The following TCF7L1 variants were observed in gnomAD, a reference collection of about 807,000 sequenced individuals.
TCF7L1 encodes transcription factor 7-like 1.
TCF7L1 carries 18 observed loss-of-function variants against 63.7 expected under a neutral mutation model. That is an observed-to-expected ratio of 0.28 (90% confidence interval 0.20 to 0.42). TCF7L1 has a LOEUF of 0.42. Ranked by LOEUF, TCF7L1 falls within the 10% of genes least tolerant of loss-of-function variation. TCF7L1 has a pLI of 1.00. For missense variants in TCF7L1, 654 were observed against 779.3 expected, an observed-to-expected ratio of 0.84 and a Z score of 1.91; for synonymous variants, 355 against 340.9, an observed-to-expected ratio of 1.04 and a Z score of -0.46.
intron 3 of TCF7L1, among the ~76,000 whole-genome samples, chr2:85,196,199 G>A (rs1203110657): frequency 6.6e-6 from 1 of 152,244 alleles, no homozygotes; most frequent in Non-Finnish European, 1.5e-5. Context: ...TCAGATGCCA[G>A]GGGCAAGTGT....
In TCF7L1 at chr2:85,134,283, CG is replaced by C; in HGVS notation, c.314-35del. 1.9e-6 allele frequency: 3 copies of C among 1,547,982 alleles called. No homozygotes were observed. The highest frequency in any genetic ancestry group is 2.4e-5 in the East Asian group (1 of 41,474). On this transcript the variant is annotated intron_variant, in intron 2 of 11. Coordinates refer to ENST00000282111, the MANE Select transcript of TCF7L1 (RefSeq NM_031283.3). The surrounding 1 kb of genome is among the most constrained non-coding windows in gnomAD (Gnocchi z 5.0). ...CCCCCTGCCGCGGCGCTGTCAGTCC[CG>C]GGGGCCTGGGCCTCACCTCGCCTTG...
intron 3 of TCF7L1, among the ~76,000 whole-genome samples, chr2:85,173,313 G>T (rs887445729): frequency 6.6e-6 from 1 of 151,980 alleles, no homozygotes; most frequent in African/African-American, 2.4e-5. Context: ...AGGAGCAGGG[G>T]AGTGGGTACG....
chr2:85,218,236 T>TTTTATTTATTTATTTATTTA (rs139892042), intron 3 of TCF7L1, among the ~76,000 whole-genome samples: 64 of 149,340 alleles, frequency 4.3e-4, no homozygotes, highest in African/African-American at 1.4e-3. Context: ...ACTTTACTTA[T>TTTTATTTATTTATTTATTTA]TTTATTTATT....
At chr2:85,291,658 G>T (rs1453999508) in intron 4 of TCF7L1, among the ~76,000 whole-genome samples, 3 of 152,166 alleles carry the variant, frequency 2.0e-5, no homozygotes, top group African/African-American at 7.2e-5. Flanking sequence ...TCAGCTCACT[G>T]CAACCTCCAC....
At chr2:85,177,171 A>G (rs1366197625) in intron 3 of TCF7L1, among the ~76,000 whole-genome samples, 1 of 151,938 alleles carries the variant, frequency 6.6e-6, no homozygotes, top group East Asian at 1.9e-4. Flanking sequence ...TTCCTCATAC[A>G]GTGGAAAGAG....
intron 3 of TCF7L1, among the ~76,000 whole-genome samples, chr2:85,255,908 C>CTT (rs1014614135): frequency 6.6e-6 from 1 of 152,170 alleles, no homozygotes; most frequent in African/African-American, 2.4e-5. Flanking sequence ...GTGTCTGTAG[C>CTT]TTTTGTCTGA....
At chr2:85,293,330 AG>A (rs1307861404) in intron 4 of TCF7L1, among the ~76,000 whole-genome samples, 1 of 152,078 alleles carries the variant, frequency 6.6e-6, no homozygotes, top group African/African-American at 2.4e-5. Flanking sequence ...ATGGCGAGCA[AG>A]TTTTTATAAG....
chr2:85,305,137 C>T, intron 7 of TCF7L1, 123 bp from the exon 8 acceptor site: 1 of 1,340,548 alleles, frequency 7.5e-7, no homozygotes, highest in Admixed American at 1.7e-5. Flanking sequence ...GCCTTCTAGT[C>T]CTGAGACTCT....
intron 4 of TCF7L1, among the ~76,000 whole-genome samples, chr2:85,292,477 C>T (rs916594663): frequency 3.3e-5 from 5 of 152,182 alleles, no homozygotes; most frequent in Admixed American, 2.0e-4. Flanking sequence ...GCTATAAAAA[C>T]AATCCCACAT....
At chr2:85,230,727 C>G (rs1680057676) in intron 3 of TCF7L1, among the ~76,000 whole-genome samples, 1 of 152,206 alleles carries the variant, frequency 6.6e-6, no homozygotes, top group African/African-American at 2.4e-5. Context: ...GTGCCCATTT[C>G]TCCTGCATCC....
chr2:85,283,269 C>CCG (rs1219562348), intron 3 of TCF7L1, among the ~76,000 whole-genome samples: 4 of 115,972 alleles, frequency 3.4e-5, no homozygotes, highest in African/African-American at 2.7e-5. Flanking sequence ...TTCGTGTCCC[C>CCG]CCCCCCAAAA....
chr2:85,134,873 G>C lies in TCF7L1; in HGVS notation c.441+423G>C, dbSNP rs1213874664. Among the ~76,000 whole-genome samples the C allele has an allele frequency of 6.6e-6, 1 of 152,172 alleles. No homozygotes were observed. The highest frequency in any genetic ancestry group is 1.9e-4 in the East Asian group (1 of 5,154). On this transcript the variant is annotated intron_variant, in intron 3 of 11. Transcript: ENST00000282111. The surrounding 1 kb of genome is among the most constrained non-coding windows in gnomAD (Gnocchi z 5.0). ...CCGACTCCGGGTTCACTGGGCGGCT[G>C]CAGGCTGGTTCCTAAGAAACCCAGT...
At chr2:85,251,767 C>T (rs559501757) in intron 3 of TCF7L1, among the ~76,000 whole-genome samples, 8 of 152,258 alleles carry the variant, frequency 5.3e-5, no homozygotes, top group South Asian at 2.1e-4. Context: ...ATTCAAATTC[C>T]GATTGCAATT....
chr2:85,164,270 G>C (rs1050854144), intron 3 of TCF7L1, among the ~76,000 whole-genome samples: 2 of 152,168 alleles, frequency 1.3e-5, no homozygotes, highest in Non-Finnish European at 2.9e-5. Flanking sequence ...TTTGCATTCA[G>C]GCTCCTCCAG....
At chr2:85,232,716 T>C (rs1285817799) in intron 3 of TCF7L1, among the ~76,000 whole-genome samples, 5 of 152,190 alleles carry the variant, frequency 3.3e-5, no homozygotes. Context: ...TCAAAAAATA[T>C]AAATGTTGAT....
chr2:85,190,545 T>C (rs965009441), intron 3 of TCF7L1, among the ~76,000 whole-genome samples: 1 of 152,164 alleles, frequency 6.6e-6, no homozygotes, highest in Non-Finnish European at 1.5e-5. Context: ...ACTTACCATA[T>C]GGCAGCCAAC....
In TCF7L1 at chr2:85,171,743, C is replaced by T. The variant is rs1031578503; in HGVS notation, c.441+37293C>T. Among the ~76,000 whole-genome samples the T allele has an allele frequency of 2.3e-4, 35 of 152,194 alleles. 1 individual carries two copies. The highest frequency in any genetic ancestry group is 9.7e-5 in the African/African-American group (4 of 41,432). ...ACCATCTCCTGCCTGCTAGCTTTGC[C>T]GCCTTGGCCAAATAATTTGGACTCT... On this transcript the variant is annotated intron_variant, in intron 3 of 11. Coordinates refer to ENST00000282111, the MANE Select transcript of TCF7L1 (RefSeq NM_031283.3).
chr2:85,200,038 T>A (rs1349107280), intron 3 of TCF7L1, among the ~76,000 whole-genome samples: 1 of 152,264 alleles, frequency 6.6e-6, no homozygotes, highest in Non-Finnish European at 1.5e-5. Context: ...TCACTTAGTC[T>A]AATGCTTTCA....
intron 11 of TCF7L1, among the ~76,000 whole-genome samples, chr2:85,308,052 G>A (rs73943092): frequency 6.6e-6 from 1 of 152,170 alleles, no homozygotes; most frequent in Non-Finnish European, 1.5e-5. Context: ...TAGGAAGGCA[G>A]CACATGAGCC....
Sources: allele counts gnomAD v4.1 joint callset (sites outside exome capture counted in the v4.1 genomes callset), GRCh38; gene constraint gnomAD v4.1.1; non-coding constraint Gnocchi (gnomAD v3.1); transcripts MANE v1.5; gene names NCBI Gene and HGNC (gene_info 2026-07-23, HGNC 2026-07-21).